RBPMS: variants seen among roughly 807,000 people sequenced by gnomAD.
RBPMS encodes RNA binding protein, mRNA processing factor.
A neutral mutation model predicts 26.8 loss-of-function variants in RBPMS; 7 were observed. That is an observed-to-expected ratio of 0.26 (90% CI 0.15 to 0.49). RBPMS has a LOEUF of 0.49. Ranked by LOEUF, RBPMS falls within the 20% of genes least tolerant of loss-of-function variation. RBPMS has a pLI of 0.98. For missense variants in RBPMS, 186 were observed against 250.0 expected, an observed-to-expected ratio of 0.74 and a Z score of 1.73; for synonymous variants, 96 against 93.3, an observed-to-expected ratio of 1.03 and a Z score of -0.17.
chr8:30,422,101 T>C, intron 1 of RBPMS, among the ~76,000 whole-genome samples: 1 of 151,670 alleles, frequency 6.6e-6, no homozygotes, highest in Non-Finnish European at 1.5e-5. Flanking sequence ...CTTTTTCTTA[T>C]TTTTTTATTT....
At chr8:30,423,224 A>G (rs919249920) in intron 1 of RBPMS, among the ~76,000 whole-genome samples, 12 of 152,092 alleles carry the variant, frequency 7.9e-5, no homozygotes, top group Non-Finnish European at 1.8e-4. Flanking sequence ...GGCTCTTTTT[A>G]TTCTTTCTTC....
At chr8:30,567,447 G>A (rs77728694) in intron 8 of RBPMS, among the ~76,000 whole-genome samples, 1,654 of 152,260 alleles carry the variant, frequency 0.011, 28 homozygotes, top group African/African-American at 0.039. Context: ...ATCACATAGG[G>A]CAGCTGGGTC....
intron 4 of RBPMS, among the ~76,000 whole-genome samples, chr8:30,479,753 A>G (rs1818079261): frequency 6.6e-6 from 1 of 152,182 alleles, no homozygotes; most frequent in Non-Finnish European, 1.5e-5. Flanking sequence ...TATGCTCAGA[A>G]TAGATTGAAA....
chr8:30,550,380 CACTT>C (rs1826255663), intron 6 of RBPMS, among the ~76,000 whole-genome samples: 2 of 152,196 alleles, frequency 1.3e-5, no homozygotes, highest in Admixed American at 6.5e-5. Flanking sequence ...TTCACATAAA[CACTT>C]AAGAGAATGC....
At chr8:30,389,150 A>G (rs1302322968) in intron 1 of RBPMS, among the ~76,000 whole-genome samples, 1 of 152,232 alleles carries the variant, frequency 6.6e-6, no homozygotes, top group African/African-American at 2.4e-5. Context: ...TTTAACCAAG[A>G]TTGGGGATCT....
At chr8:30,560,492 A>C (rs950548560) in intron 7 of RBPMS, among the ~76,000 whole-genome samples, 2 of 152,200 alleles carry the variant, frequency 1.3e-5, no homozygotes, top group Admixed American at 6.5e-5. Flanking sequence ...AAGTTGAGAG[A>C]GAGCGCTCTG....
chr8:30,410,681 C>A (rs1809260295), intron 1 of RBPMS, among the ~76,000 whole-genome samples: 1 of 150,162 alleles, frequency 6.7e-6, no homozygotes, highest in Non-Finnish European at 1.5e-5. Flanking sequence ...GGTCAATAAA[C>A]ATTATTTGAT....
At chr8:30,532,206 C>T (rs1824295972) in intron 5 of RBPMS, among the ~76,000 whole-genome samples, 1 of 152,120 alleles carries the variant, frequency 6.6e-6, no homozygotes, top group Non-Finnish European at 1.5e-5. Flanking sequence ...GAGGAAGAAA[C>T]AGTTAAACAT....
intron 1 of RBPMS, among the ~76,000 whole-genome samples, chr8:30,426,740 G>A (rs543614165): frequency 3.7e-4 from 56 of 149,628 alleles, no homozygotes; most frequent in Admixed American, 6.7e-4. Context: ...GAGGTTGCTC[G>A]GAGGTCTGAC....
intron 1 of RBPMS, among the ~76,000 whole-genome samples, chr8:30,420,049 A>G (rs1810573793): frequency 6.6e-6 from 1 of 152,088 alleles, no homozygotes; most frequent in Non-Finnish European, 1.5e-5. Context: ...ACATGGCAAG[A>G]CCTTGTCTCA....
At chr8:30,549,809 T>TCCCCCCCCTCTCTC (rs766646710) in intron 6 of RBPMS, among the ~76,000 whole-genome samples, 2 of 92,552 alleles carry the variant, frequency 2.2e-5, no homozygotes, top group African/African-American at 4.4e-5. Context: ...CTCTCTCCTC[T>TCCCCCCCCTCTCTC]CTCTCTCTCT....
intron 5 of RBPMS, among the ~76,000 whole-genome samples, chr8:30,520,100 G>C (rs1407261902): frequency 6.6e-6 from 1 of 152,174 alleles, no homozygotes; most frequent in Admixed American, 6.5e-5. Flanking sequence ...GTGGATTCAA[G>C]CCTACATTGT....
chr8:30,551,676 G>T (rs1033131782), intron 6 of RBPMS, among the ~76,000 whole-genome samples: 1 of 152,146 alleles, frequency 6.6e-6, no homozygotes, highest in Non-Finnish European at 1.5e-5. Flanking sequence ...TCTGCGCTCG[G>T]CTCTTCCCTG....
intron 1 of RBPMS, among the ~76,000 whole-genome samples, chr8:30,423,241 A>G (rs1429806075): frequency 6.6e-6 from 1 of 152,194 alleles, no homozygotes; most frequent in Non-Finnish European, 1.5e-5. Context: ...CTTCGACTGG[A>G]GATCCAGACT....
At chr8:30,444,570 T>C (rs185097166) in intron 1 of RBPMS, 2 of 152,354 alleles carry the variant, frequency 1.3e-5, no homozygotes, top group East Asian at 3.9e-4. Flanking sequence ...TAGATTGTTA[T>C]TATTTAAAAG....
intron 8 of RBPMS, among the ~76,000 whole-genome samples, chr8:30,568,049 C>A (rs1488317743): frequency 2.0e-5 from 3 of 152,206 alleles, no homozygotes; most frequent in Non-Finnish European, 4.4e-5. Flanking sequence ...TGCAGAAGAC[C>A]ATGCCCCTAG....
intron 5 of RBPMS, among the ~76,000 whole-genome samples, chr8:30,523,281 G>T (rs1384461346): frequency 1.3e-5 from 2 of 151,638 alleles, no homozygotes; most frequent in Non-Finnish European, 2.9e-5. Flanking sequence ...GGAGGCTGAG[G>T]CACGAGAATT....
chr8:30,498,135 C>T lies in RBPMS; in HGVS notation c.247-6151C>T, dbSNP rs571602623. The stretch of plus-strand genomic sequence containing the variant: ...AGTTTCATCTAGTTCAGTACATATG[C>T]CTCAGATCTACTGGATCAACAGATC... On this transcript the variant is annotated intron_variant, in intron 4 of 8. Coordinates refer to ENST00000397323, the MANE Select transcript of RBPMS (RefSeq NM_001008710.3). 5.9e-5 allele frequency among the ~76,000 whole-genome samples: 9 copies of T among 151,536 alleles called. No individual in the cohort carries two copies. The South Asian group carries it at 1.9e-3, about 32-fold the overall frequency.
At chr8:30,528,849 A>C (rs958137388) in intron 5 of RBPMS, among the ~76,000 whole-genome samples, 1 of 151,866 alleles carries the variant, frequency 6.6e-6, no homozygotes, top group African/African-American at 2.4e-5. Context: ...AGCGTTATTG[A>C]GCTGTAATTC....
Sources: allele counts gnomAD v4.1 joint callset (sites outside exome capture counted in the v4.1 genomes callset), GRCh38; gene constraint gnomAD v4.1.1; transcripts MANE v1.5; gene names NCBI Gene and HGNC (gene_info 2026-07-23, HGNC 2026-07-21).